The following GABRG3 variants were observed in gnomAD, a reference collection of about 807,000 sequenced individuals.
GABRG3 encodes gamma-aminobutyric acid type A receptor subunit gamma3.
A neutral mutation model predicts 48.8 loss-of-function variants in GABRG3; 25 were observed. That is an observed-to-expected ratio of 0.51 (90% CI 0.37 to 0.72). The LOEUF (loss-of-function observed/expected upper bound fraction) is 0.72, where lower values mean the gene tolerates loss of function less well. GABRG3 is among the 30% of genes least tolerant of loss of function. The probability of loss-of-function intolerance (pLI) is 0.00; values close to 1 mark genes in which losing one functional copy is unlikely to be tolerated. For missense variants in GABRG3, 394 were observed against 577.9 expected (o/e 0.68, Z 3.26); for synonymous variants, 227 against 217.6 (o/e 1.04, Z -0.38).
In GABRG3 at chr15:27,527,981, C is replaced by A. The variant is rs772893515; in HGVS notation, c.1111C>A (p.Gln371Lys). The A allele has an allele frequency of 6.3e-7, 1 of 1,597,838 alleles. No individual in the cohort carries two copies. The highest frequency in any genetic ancestry group is 1.1e-5 in the South Asian group (1 of 88,126). The change falls in exon 9 of 10, where the codon CAA becomes AAA. Residue 371 changes from glutamine (Q) to lysine (K), a missense_variant. By Grantham distance (53) the Gln-to-Lys change is moderately conservative (BLOSUM62 1). Around this residue, in one of 3 missense-constraint regions of GABRG3, gnomAD observed 126 missense variants for 155.5 expected, o/e 0.81. Transcript: ENST00000615808. ...SRWIPERISL[Q>K]APSNYSLLDM... Reference sequence around the variant, plus strand: ...ATGGATTCCTGAGCGAATAAGCCTACAAGCCCCTTCCGTACGTATAGCATT... The same window carrying A: ...ATGGATTCCTGAGCGAATAAGCCTAAAAGCCCCTTCCGTACGTATAGCATT...
intron 9 of GABRG3, 121 bp downstream of exon 9, chr15:27,528,113 C>A: frequency 1.4e-6 from 1 of 736,130 alleles, no homozygotes. Flanking sequence ...GATGCACATG[C>A]TGACTTCAAA....
At chr15:27,323,969 T>C (rs745663787) in intron 3 of GABRG3, among the ~76,000 whole-genome samples, 37 of 152,154 alleles carry the variant, frequency 2.4e-4, no homozygotes, top group Non-Finnish European at 4.7e-4. Context: ...CCACTCTGCT[T>C]GTGTTTCACT....
chr15:27,132,792 A>C (rs1447907487), intron 3 of GABRG3, among the ~76,000 whole-genome samples: 3 of 150,052 alleles, frequency 2.0e-5, no homozygotes, highest in Non-Finnish European at 4.4e-5. Flanking sequence ...CCTATTTCTT[A>C]TTCCATTTAT....
chr15:27,196,709 T>G lies in GABRG3; in HGVS notation c.271-130100T>G, dbSNP rs58817341. ...TAATCTTCATGGTAATCCAATGAAG[T>G]AACAGACGCACAAAGAAGTTAAGAC... On this transcript the variant is annotated intron_variant, in intron 3 of 9. Transcript: ENST00000615808. Among the ~76,000 whole-genome samples, 1,298 of 152,332 alleles carry G rather than the reference T, an allele frequency of 8.5e-3. 16 individuals carry two copies. Among genetic ancestry groups the G allele is most frequent in the African/African-American group, 0.03 (1,253 of 41,564 alleles).
chr15:27,273,924 T>C (rs1891169724), intron 3 of GABRG3, among the ~76,000 whole-genome samples: 1 of 152,208 alleles, frequency 6.6e-6, no homozygotes, highest in African/African-American at 2.4e-5. Context: ...TAGGTGGTTC[T>C]AGCTCATGGA....
intron 2 of GABRG3, among the ~76,000 whole-genome samples, chr15:26,980,718 TTTTA>T (rs1454360077): frequency 1.2e-4 from 18 of 151,966 alleles, no homozygotes; most frequent in South Asian, 1.0e-3. Flanking sequence ...ACTTAGATTC[TTTTA>T]TTTGAGACTA....
intron 6 of GABRG3, among the ~76,000 whole-genome samples, chr15:27,497,906 T>C (rs1375870507): frequency 6.6e-6 from 1 of 152,254 alleles, no homozygotes; most frequent in Non-Finnish European, 1.5e-5. Flanking sequence ...TCAATGTTTC[T>C]GACAAAGGTA....
chr15:27,242,145 G>A (rs994990523), intron 3 of GABRG3, among the ~76,000 whole-genome samples: 3 of 152,242 alleles, frequency 2.0e-5, no homozygotes, highest in Admixed American at 2.0e-4. Context: ...CAGCAGGAAT[G>A]AGGAAGGGTG....
chr15:27,111,591 G>A (rs1345564964), intron 3 of GABRG3, among the ~76,000 whole-genome samples: 1 of 152,148 alleles, frequency 6.6e-6, no homozygotes, highest in Non-Finnish European at 1.5e-5. Flanking sequence ...CAGCCTTCTG[G>A]TGTCCTCATT....
intron 3 of GABRG3, among the ~76,000 whole-genome samples, chr15:27,076,076 G>A (rs1276410674): frequency 1.3e-5 from 2 of 152,144 alleles, no homozygotes; most frequent in African/African-American, 2.4e-5. Context: ...GGTCCTGAGT[G>A]TTCATCTTGT....
At chr15:27,019,159 C>T (rs1171935979) in intron 2 of GABRG3, among the ~76,000 whole-genome samples, 3 of 147,282 alleles carry the variant, frequency 2.0e-5, no homozygotes, top group Non-Finnish European at 4.5e-5. Context: ...AGCTCTGCCT[C>T]CCGGGTTCAC....
At chr15:27,532,503 T>C (rs117171372) in intron 9 of GABRG3, 97 bp from the exon 10 acceptor site, 25,678 of 1,140,492 alleles carry the variant, frequency 0.023, 391 homozygotes, top group Non-Finnish European at 0.026. Context: ...TCTTTATCTA[T>C]AGGAGACAGA....
At position 27,180,681 on chromosome 15, in the gene GABRG3, C is replaced by G. The variant is rs1160525177; in HGVS notation, c.271-146128C>G. On this transcript the variant is annotated intron_variant, in intron 3 of 9. Coordinates refer to ENST00000615808, the MANE Select transcript of GABRG3 (RefSeq NM_033223.5). The surrounding 1 kb of genome is among the most constrained non-coding windows in gnomAD (Gnocchi z 4.2). ...TTTGTGTGTGCACGCGCGCGCACCCCAGGTCAGTTCTAGCAATAATTGAAA... is the reference window on the plus strand; with the variant it reads ...TTTGTGTGTGCACGCGCGCGCACCCGAGGTCAGTTCTAGCAATAATTGAAA... Among the ~76,000 whole-genome samples, 1 of 152,100 alleles carries G rather than the reference C, an allele frequency of 6.6e-6. No individual in the cohort carries two copies. The highest frequency in any genetic ancestry group is 1.5e-5 in the Non-Finnish European group (1 of 68,032).
intron 4 of GABRG3, 57 bp from the exon 5 acceptor site, chr15:27,328,749 C>T (rs371552788): frequency 2.7e-6 from 4 of 1,504,030 alleles, no homozygotes; most frequent in East Asian, 2.3e-5. Flanking sequence ...CCGTAACGGC[C>T]GCCGGCCTTG....
intron 3 of GABRG3, among the ~76,000 whole-genome samples, chr15:27,070,808 G>A (rs1896814385): frequency 6.6e-6 from 1 of 152,194 alleles, no homozygotes; most frequent in Non-Finnish European, 1.5e-5. Context: ...TTTCAGTGAT[G>A]GATGGTCACA....
chr15:27,334,750 T>C (rs1893908977), intron 5 of GABRG3, among the ~76,000 whole-genome samples: 1 of 152,142 alleles, frequency 6.6e-6, no homozygotes, highest in African/African-American at 2.4e-5. Context: ...TCCAAATGAA[T>C]TGAGGCCCTA....
intron 7 of GABRG3, among the ~76,000 whole-genome samples, chr15:27,523,614 C>A (rs1336685617): frequency 5.9e-5 from 9 of 151,784 alleles, no homozygotes; most frequent in African/African-American, 2.2e-4. Context: ...TGAGCGAATG[C>A]ACACATGCTT....
At chr15:27,405,363 G>A (rs1274485039) in intron 5 of GABRG3, among the ~76,000 whole-genome samples, 2 of 152,096 alleles carry the variant, frequency 1.3e-5, no homozygotes, top group African/African-American at 2.4e-5. Flanking sequence ...AATTATAAAT[G>A]TACACAAAAA....
chr15:27,136,417 A>G (rs934495659), intron 3 of GABRG3, among the ~76,000 whole-genome samples: 4 of 152,166 alleles, frequency 2.6e-5, no homozygotes, highest in Non-Finnish European at 5.9e-5. Flanking sequence ...AACATAATTG[A>G]AAGCAGATTC....
Sources: gnomAD v4.1 joint callset for allele counts (sites outside exome capture counted in the v4.1 genomes callset) on GRCh38, gnomAD v4.1.1 for gene constraint, gnomAD v4.1.1 regional missense constraint, Gnocchi (gnomAD v3.1) non-coding constraint, MANE v1.5 for transcripts, NCBI Gene and HGNC (gene_info 2026-07-23, HGNC 2026-07-21) for gene names.